The following PARD3B variants were observed in gnomAD, a reference collection of about 807,000 sequenced individuals.
The protein encoded by PARD3B is par-3 family cell polarity regulator beta, also known as partitioning defective 3 homolog B.
A neutral mutation model predicts 130.2 loss-of-function variants in PARD3B; 103 were observed. That is an observed-to-expected ratio of 0.79 (90% confidence interval 0.67 to 0.93). The LOEUF is 0.93. PARD3B is among the 40% of genes least tolerant of loss of function. The pLI is 0.00. For synonymous variants in PARD3B, 583 were observed against 553.2 expected (o/e 1.05, Z -0.76); for missense variants, 1,609 against 1,499.2 (o/e 1.07, Z -1.21).
At chr2:205,069,554 A>G (rs6729861) in intron 4 of PARD3B, among the ~76,000 whole-genome samples, 2,292 of 152,068 alleles carry the variant, frequency 0.015, 26 homozygotes, top group Middle Eastern at 0.034. Flanking sequence ...CTCATTATTC[A>G]TAAATTTTAG....
chr2:205,495,385 T>C (rs574548094), intron 20 of PARD3B, among the ~76,000 whole-genome samples: 21 of 152,300 alleles, frequency 1.4e-4, no homozygotes, highest in Admixed American at 1.3e-3. Flanking sequence ...ACAGCTGTAA[T>C]AGAAACTTTT....
At chr2:204,998,587 T>G (rs1253746044) in intron 3 of PARD3B, among the ~76,000 whole-genome samples, 1 of 149,258 alleles carries the variant, frequency 6.7e-6, no homozygotes, top group Non-Finnish European at 1.5e-5. Context: ...TTTTTTAGGT[T>G]AAGGAAGTTT....
Position 204,686,302 on chromosome 2 carries a change from T to C in PARD3B, c.222+20T>C, listed in dbSNP as rs2037083525. 1.9e-6 allele frequency: 3 copies of C among 1,550,034 alleles called. No individual in the cohort carries two copies. The highest frequency in any genetic ancestry group is 2.7e-5 in the African/African-American group (2 of 73,460). ...GACAAGGTAGATAACTCTAAAAATG[T>C]GCCTCTTTGTTTTCCTCTACAGAGC... On this transcript the variant is annotated intron_variant, in intron 2 of 22. Coordinates refer to ENST00000406610, the MANE Select transcript of PARD3B (RefSeq NM_001302769.2).
At chr2:205,512,713 G>C (rs1344876056) in intron 21 of PARD3B, among the ~76,000 whole-genome samples, 1 of 152,142 alleles carries the variant, frequency 6.6e-6, no homozygotes, top group East Asian at 1.9e-4. Flanking sequence ...CTTTAAGCCT[G>C]TGTGTGTGCA....
At chr2:204,727,630 C>G (rs187382535) in intron 2 of PARD3B, among the ~76,000 whole-genome samples, 1 of 152,012 alleles carries the variant, frequency 6.6e-6, no homozygotes, top group African/African-American at 2.4e-5. Context: ...ACAGGCACTC[C>G]GAGGGAGAGG....
intron 20 of PARD3B, among the ~76,000 whole-genome samples, chr2:205,447,694 A>G (rs2047954866): frequency 6.6e-6 from 1 of 152,172 alleles, no homozygotes; most frequent in African/African-American, 2.4e-5. Context: ...CAGTATCTTA[A>G]AGTTGGCTAG....
intron 16 of PARD3B, among the ~76,000 whole-genome samples, chr2:205,282,495 A>G (rs2041227129): frequency 8.5e-6 from 1 of 117,728 alleles, no homozygotes; most frequent in Non-Finnish European, 1.9e-5. Flanking sequence ...GTGTGTATAT[A>G]TATATTTATG....
intron 6 of PARD3B, among the ~76,000 whole-genome samples, chr2:205,114,687 T>C (rs1703899979): frequency 6.6e-6 from 1 of 151,846 alleles, no homozygotes; most frequent in Admixed American, 6.6e-5. Flanking sequence ...GATTTAGTCA[T>C]GGTATTTTGG....
intron 2 of PARD3B, among the ~76,000 whole-genome samples, chr2:204,697,999 G>T (rs573899354): frequency 1.3e-5 from 2 of 152,198 alleles, no homozygotes; most frequent in East Asian, 3.9e-4. Context: ...TTAGATCCAT[G>T]GCTGCCATCT....
At chr2:205,389,384 C>T (rs1007980245) in intron 18 of PARD3B, among the ~76,000 whole-genome samples, 16 of 152,028 alleles carry the variant, frequency 1.1e-4, no homozygotes, top group Non-Finnish European at 1.6e-4. Context: ...CTTTTTGAGA[C>T]GGGGTTTCGT....
chr2:204,855,264 G>A (rs975668436), intron 2 of PARD3B, among the ~76,000 whole-genome samples: 2 of 152,138 alleles, frequency 1.3e-5, no homozygotes, highest in African/African-American at 4.8e-5. Context: ...ACGCATATCT[G>A]CCGGGCGTGG....
rs1464579576 is a variant in PARD3B, at chr2:205,530,048, A to C, written c.3181-23276A>C. 6.6e-6 allele frequency among the ~76,000 whole-genome samples: 1 copy of C among 152,170 alleles called. No homozygotes were observed. Among genetic ancestry groups the C allele is most frequent in the Non-Finnish European group, 1.5e-5 (1 of 68,026 alleles). ...AGGCAAAGAAAGGTGCCACCCAACA[A>C]TGCTGTGAAGAGTAAGAAATGCTAT... On this transcript the variant is annotated intron_variant, in intron 21 of 22. Coordinates refer to ENST00000406610, the MANE Select transcript of PARD3B (RefSeq NM_001302769.2). This position sits in a 1 kb window ranked among gnomAD's most constrained non-coding sequence, Gnocchi z 4.7.
intron 18 of PARD3B, among the ~76,000 whole-genome samples, chr2:205,398,194 G>T (rs2046100677): frequency 6.6e-6 from 1 of 152,082 alleles, no homozygotes; most frequent in Non-Finnish European, 1.5e-5. Flanking sequence ...TCAGCTACTT[G>T]GGAGGCTAAG....
chr2:204,989,493 C>T (rs920944283), intron 3 of PARD3B, among the ~76,000 whole-genome samples: 20 of 152,080 alleles, frequency 1.3e-4, no homozygotes, highest in African/African-American at 4.3e-4. Context: ...AGAGAAGCAA[C>T]GCAGTGAGCA....
Position 204,726,057 on chromosome 2 carries a change from T to G in PARD3B, c.222+39775T>G, listed in dbSNP as rs369352148. Among the ~76,000 whole-genome samples, 11 of 152,266 alleles carry G rather than the reference T, an allele frequency of 7.2e-5. No individual in the cohort carries two copies. The East Asian group carries it at 1.5e-3, about 21-fold the overall frequency. On this transcript the variant is annotated intron_variant, in intron 2 of 22. Transcript: ENST00000406610. ...AACATTAACTAACAGACAGATTGAG[T>G]CCAGCTAGGGCTGCGGACCACCCAT... is the stretch of plus-strand genomic sequence containing the variant.
Position 205,575,421 on chromosome 2 carries a change from G to A in PARD3B, c.3260+22018G>A, listed in dbSNP as rs1398625338. On this transcript the variant is annotated intron_variant, in intron 22 of 22. Transcript: ENST00000406610. The surrounding 1 kb of genome is among the most constrained non-coding windows in gnomAD (Gnocchi z 4.6). ...TAGTTTACATTAGCGCTCTCTCGGT[G>A]TTGTTCATTCTGTGGGTTTGGACAA... Among the ~76,000 whole-genome samples the A allele has an allele frequency of 2.0e-5, 3 of 151,950 alleles. No homozygotes were observed. The highest frequency in any genetic ancestry group is 1.3e-4 in the Admixed American group (2 of 15,258).
At chr2:205,214,680 T>C (rs961828603) in intron 15 of PARD3B, among the ~76,000 whole-genome samples, 13 of 152,084 alleles carry the variant, frequency 8.5e-5, no homozygotes, top group African/African-American at 3.1e-4. Context: ...TACAATCTAT[T>C]TACTGTCACC....
rs776454003 is a variant in PARD3B at position 204,965,314 on chromosome 2, C to G, written c.385C>G (p.Leu129Val). Residue 129 changes from leucine (L) to valine (V), a missense_variant, in exon 3 of 23, where the codon CTA becomes GTA. Transcript: ENST00000406610. ...GGEIEVTPSALKLGTPLLVRR... is the reference protein window; with the variant it reads ...GGEIEVTPSAVKLGTPLLVRR... ...GGAGATTGAAGTAACCCCTTCTGCT[C>G]TAAAACTAGGTATGTGTAATGTTTA... 3 of 1,613,558 alleles carry G rather than the reference C, an allele frequency of 1.9e-6. No homozygotes were observed. Among genetic ancestry groups the G allele is most frequent in the Non-Finnish European group, 2.5e-6 (3 of 1,179,798 alleles).
chr2:205,320,662 C>CT (rs1260910284), intron 18 of PARD3B, among the ~76,000 whole-genome samples: 1 of 152,150 alleles, frequency 6.6e-6, no homozygotes, highest in Non-Finnish European at 1.5e-5. Flanking sequence ...AGCAGTCACG[C>CT]TGAAGTATAT....
Sources: allele counts gnomAD v4.1 joint callset (sites outside exome capture counted in the v4.1 genomes callset), GRCh38; gene constraint gnomAD v4.1.1; non-coding constraint Gnocchi (gnomAD v3.1); transcripts MANE v1.5; gene names NCBI Gene and HGNC (gene_info 2026-07-23, HGNC 2026-07-21).